BAZ2A: variants seen among roughly 807,000 people sequenced by gnomAD.
The protein encoded by BAZ2A is bromodomain adjacent to zinc finger domain protein 2A.
A neutral mutation model predicts 199.9 loss-of-function variants in BAZ2A; 34 were observed. The observed-to-expected ratio is 0.17, with a 90% CI of 0.13 to 0.23. BAZ2A has a LOEUF of 0.23. Ranked by LOEUF, BAZ2A falls within the 10% of genes least tolerant of loss-of-function variation. BAZ2A has a pLI of 1.00. For missense variants in BAZ2A, 2,002 were observed against 2,391.1 expected (o/e 0.84, Z 3.39); for synonymous variants, 857 against 883.9 (o/e 0.97, Z 0.54).
chr12:56,638,258 C>T (rs1160604851), upstream of BAZ2A: 3 of 1,377,458 alleles, frequency 2.2e-6, no homozygotes, highest in South Asian at 2.4e-5. Context: ...GTGCAGCCTA[C>T]ACAGAAAAAT....
intron 26 of BAZ2A, 123 bp downstream of exon 26, chr12:56,599,579 A>G: frequency 1.4e-6 from 2 of 1,425,414 alleles, no homozygotes; most frequent in Non-Finnish European, 1.9e-6. Context: ...TGACTTGTCC[A>G]AAAAAGGACT....
chr12:56,607,562 G>A (rs945866452), intron 10 of BAZ2A, among the ~76,000 whole-genome samples: 2 of 152,076 alleles, frequency 1.3e-5, no homozygotes, highest in African/African-American at 2.4e-5. Flanking sequence ...TAGTACAAGC[G>A]GAGTTTCACC....
At chr12:56,604,070 C>T (rs1241084064) in intron 16 of BAZ2A, 147 bp downstream of exon 16, 1 of 746,356 alleles carries the variant, frequency 1.3e-6, no homozygotes, top group Non-Finnish European at 2.2e-6. Context: ...AAAAGAAATA[C>T]CTTGACTCTA....
chr12:56,611,688 G>A (rs1950562999), intron 6 of BAZ2A, 55 bp from the exon 7 acceptor site: 1 of 1,551,890 alleles, frequency 6.4e-7, no homozygotes, highest in East Asian at 2.2e-5. Flanking sequence ...TTAAACAATA[G>A]GCCAATAGGG....
At chr12:56,631,912 C>G (rs150236258), upstream of BAZ2A, among the ~76,000 whole-genome samples, 15 of 152,220 alleles carry the variant, frequency 9.9e-5, no homozygotes, top group African/African-American at 2.9e-4. Flanking sequence ...TCCACCCCCC[C>G]ACTACAAATG....
At position 56,611,794 on chromosome 12, in the gene BAZ2A, C is replaced by A; in HGVS notation, c.1588G>T (p.Gly530Ter). The A allele has an allele frequency of 6.5e-7, 1 of 1,544,822 alleles. No homozygotes were observed. The highest frequency in any genetic ancestry group is 8.7e-7 in the Non-Finnish European group (1 of 1,147,040). The change falls in exon 6 of 29, where the codon GGA (glycine) becomes TGA (stop). Residue 530 changes from glycine to a stop codon, truncating the protein, a stop_gained. Transcript: ENST00000549884. LOFTEE classifies it high-confidence loss of function. ...TADVEEITGE[G>*]LTASGSGDVM... is the part of the protein sequence containing the mutation. ...TCACCACTACCAGAAGCAGTGAGTC[C>A]TTCTCCAGTGATCTCTTCCACGTCA...
intron 26 of BAZ2A, 134 bp from the exon 27 acceptor site, chr12:56,599,492 C>A (rs1592549086): frequency 4.9e-6 from 6 of 1,218,198 alleles, no homozygotes; most frequent in East Asian, 2.6e-5. Context: ...ATTCACATAA[C>A]CCAATGAAGT....
chr12:56,626,950 T>G (rs1024391001), intron 1 of BAZ2A, among the ~76,000 whole-genome samples: 2 of 152,214 alleles, frequency 1.3e-5, no homozygotes, highest in African/African-American at 2.4e-5. Flanking sequence ...GACTTGTTTT[T>G]ACTGTTTCCA....
At position 56,605,913 on chromosome 12, in the gene BAZ2A, G is replaced by A. The variant is rs1394669070; in HGVS notation, c.2410C>T (p.Arg804Cys). 13 of 1,579,898 alleles carry A rather than the reference G, an allele frequency of 8.2e-6. No individual in the cohort carries two copies. Among genetic ancestry groups the A allele is most frequent in the Middle Eastern group, 1.7e-4 (1 of 6,024 alleles). Residue 804 changes from arginine to cysteine, a missense_variant, in exon 13 of 29, where the codon CGC (arginine) becomes TGC (cysteine). Arg to Cys is a radical substitution (Grantham distance 180). This residue lies in a region of BAZ2A where 1,081 missense variants were observed against 1,274.7 expected (regional missense o/e 0.85). Coordinates refer to ENST00000549884, the MANE Select transcript of BAZ2A (RefSeq NM_001300905.2). ...KADKTLATQR[R>C]LEERQRQQMI... ...TGCTGCCTCTGCCGTTCCTCCAAGC[G>A]CCTCTGTGTGGCCAGGGTCTTATCT...
At position 56,612,186 on chromosome 12, in the gene BAZ2A, G is replaced by C. The variant is rs747677348; in HGVS notation, c.1196C>G (p.Ser399Cys). The C allele has an allele frequency of 5.6e-6, 9 of 1,613,616 alleles. No individual in the cohort carries two copies. The highest frequency in any genetic ancestry group is 7.6e-6 in the Non-Finnish European group (9 of 1,179,846). Reference sequence around the variant, plus strand: ...GGTCAGGGATGGTGGGAAGTCTGAAGATTGAGTTTCCATTTCTTCCTGTTC... The same window carrying C: ...GGTCAGGGATGGTGGGAAGTCTGAACATTGAGTTTCCATTTCTTCCTGTTC... ...DAEQEEMETQSSDFPPSLTQP... is the reference protein window; with the variant it reads ...DAEQEEMETQCSDFPPSLTQP... Residue 399 changes from serine (S) to cysteine (C), a missense_variant, in exon 6 of 29, where the codon TCT becomes TGT. Physicochemically the swap from Ser to Cys is moderately radical, Grantham distance 112. This residue lies in a region of BAZ2A where 641 missense variants were observed against 694.5 expected (regional missense o/e 0.92). Coordinates refer to ENST00000549884, the MANE Select transcript of BAZ2A (RefSeq NM_001300905.2).
chr12:56,636,139 A>C (rs1951444346), intron 1 of BAZ2A: 2 of 1,560,648 alleles, frequency 1.3e-6, no homozygotes, highest in East Asian at 2.3e-5. Context: ...GGGAGGGAGT[A>C]GGCATCCCTC....
chr12:56,618,676 C>T (rs1312228499), intron 1 of BAZ2A, among the ~76,000 whole-genome samples: 1 of 151,490 alleles, frequency 6.6e-6, no homozygotes, highest in Non-Finnish European at 1.5e-5. Flanking sequence ...TCGAGACCAG[C>T]CTGACCAACA....
intron 10 of BAZ2A, among the ~76,000 whole-genome samples, chr12:56,607,092 G>T (rs966809285): frequency 6.6e-6 from 1 of 152,074 alleles, no homozygotes; most frequent in African/African-American, 2.4e-5. Flanking sequence ...AGAAACCCAC[G>T]GACTGATTTT....
chr12:56,611,993 G>C lies in BAZ2A; in HGVS notation c.1389C>G (p.Val463=). 1 of 1,613,762 alleles carries C rather than the reference G, an allele frequency of 6.2e-7. No homozygotes were observed. The highest frequency in any genetic ancestry group is 8.5e-7 in the Non-Finnish European group (1 of 1,179,828). The change falls in exon 6 of 29, where the codon GTC becomes GTG. Residue 463 remains valine (V), a synonymous_variant. Coordinates refer to ENST00000549884, the MANE Select transcript of BAZ2A (RefSeq NM_001300905.2). ...AGGAAGCTGGAGAGACCACTGAGAA[G>C]ACTGCTGGAGAGACAACTGTAGAAG... ...PAASTVVSPA[V]FSVVSPASSA... is the part of the protein sequence containing the mutation.
intron 4 of BAZ2A, 29 bp from the exon 5 acceptor site, chr12:56,613,262 A>G: frequency 6.3e-7 from 1 of 1,595,594 alleles, no homozygotes; most frequent in Non-Finnish European, 8.6e-7. Context: ...AAATCAGAGC[A>G]GGATAATGAG....
chr12:56,617,636 C>T, intron 1 of BAZ2A, 104 bp from the exon 2 acceptor site: 1 of 1,245,892 alleles, frequency 8.0e-7, no homozygotes. Context: ...ACCTACTTAC[C>T]CTTCTCCTAC....
chr12:56,624,336 AG>A (rs1951014863), intron 1 of BAZ2A, among the ~76,000 whole-genome samples: 1 of 152,230 alleles, frequency 6.6e-6, no homozygotes, highest in Non-Finnish European at 1.5e-5. Flanking sequence ...GGCTACTCAA[AG>A]AAAACTGTCA....
intron 1 of BAZ2A, among the ~76,000 whole-genome samples, chr12:56,624,987 A>G (rs776981365): frequency 2.6e-5 from 4 of 152,100 alleles, no homozygotes; most frequent in Non-Finnish European, 5.9e-5. Context: ...GTTTTTATAT[A>G]TTTGTTAATT....
At chr12:56,611,020 T>A (rs1032243263) in intron 7 of BAZ2A, among the ~76,000 whole-genome samples, 1 of 152,132 alleles carries the variant, frequency 6.6e-6, no homozygotes, top group Non-Finnish European at 1.5e-5. Context: ...CTAACTCTAA[T>A]CTTTCTCTCA....
Sources: gnomAD v4.1 joint callset for allele counts (sites outside exome capture counted in the v4.1 genomes callset) on GRCh38, gnomAD v4.1.1 for gene constraint, gnomAD v4.1.1 regional missense constraint, MANE v1.5 for transcripts, NCBI Gene and HGNC (gene_info 2026-07-23, HGNC 2026-07-21) for gene names.